Variants in ALG6 observed in about 807,000 individuals in gnomAD.
ALG6 encodes ALG6 alpha-1,3-glucosyltransferase.
In ALG6, 46 loss-of-function variants were observed where a neutral mutation model predicts 66.6. That is an observed-to-expected ratio of 0.69 (90% confidence interval 0.55 to 0.88). ALG6 has a LOEUF of 0.88. ALG6 is among the 40% of genes least tolerant of loss of function. The pLI is 0.00. For synonymous variants in ALG6, 185 were observed against 203.7 expected (o/e 0.91, Z 0.78); for missense variants, 505 against 586.8 (o/e 0.86, Z 1.44).
intron 14 of ALG6, among the ~76,000 whole-genome samples, chr1:63,435,089 C>T (rs1644670771): frequency 1.3e-5 from 2 of 152,068 alleles, no homozygotes; most frequent in African/African-American, 4.8e-5. Flanking sequence ...GCAGTTTCAT[C>T]GTGATTAGGG....
intron 4 of ALG6, 117 bp downstream of exon 4, chr1:63,402,460 A>ATTTT (rs760751565): frequency 5.7e-4 from 151 of 262,708 alleles, no homozygotes; most frequent in African/African-American, 9.3e-4. Flanking sequence ...CTGCTATTGT[A>ATTTT]TTTTTTTTTT....
chr1:63,419,220 A>G (rs1570077692), intron 11 of ALG6, 150 bp from the exon 12 acceptor site: 1 of 643,128 alleles, frequency 1.6e-6, no homozygotes. Flanking sequence ...TAAAATATGC[A>G]TACTAGTGTT....
intron 2 of ALG6, among the ~76,000 whole-genome samples, chr1:63,371,625 T>G (rs545033816): frequency 6.6e-6 from 1 of 151,842 alleles, no homozygotes; most frequent in African/African-American, 2.4e-5. Context: ...ATTTTTTTGA[T>G]ACGGAGCCTC....
At chr1:63,436,557 G>C (rs908923301) in intron 14 of ALG6, among the ~76,000 whole-genome samples, 1 of 152,122 alleles carries the variant, frequency 6.6e-6, no homozygotes, top group Non-Finnish European at 1.5e-5. Flanking sequence ...GGGGTCCTCA[G>C]GTTTTGGCTA....
chr1:63,427,264 C>T (rs2100438786), intron 12 of ALG6, among the ~76,000 whole-genome samples: 1 of 150,748 alleles, frequency 6.6e-6, no homozygotes, highest in East Asian at 2.0e-4. Context: ...CCGCCTGTCT[C>T]AGCCTCCCAA....
chr1:63,412,811 TAGAC>T (rs1220742599), intron 9 of ALG6, among the ~76,000 whole-genome samples: 10 of 152,216 alleles, frequency 6.6e-5, no homozygotes, highest in Non-Finnish European at 1.0e-4. Flanking sequence ...TTAATAAAGT[TAGAC>T]AGAAACAACA....
At chr1:63,381,226 A>G (rs1038238242) in intron 2 of ALG6, among the ~76,000 whole-genome samples, 20 of 152,244 alleles carry the variant, frequency 1.3e-4, no homozygotes, top group African/African-American at 4.6e-4. Context: ...AGGCCGAGGC[A>G]GGCGGATCAT....
chr1:63,430,660 T>A (rs1644641119), intron 14 of ALG6, among the ~76,000 whole-genome samples: 1 of 152,238 alleles, frequency 6.6e-6, no homozygotes, highest in South Asian at 2.1e-4. Context: ...GTTGAACATC[T>A]TTTCATGTGC....
At chr1:63,421,375 G>A (rs142337647) in intron 12 of ALG6, among the ~76,000 whole-genome samples, 22 of 152,130 alleles carry the variant, frequency 1.4e-4, no homozygotes, top group African/African-American at 5.3e-4. Context: ...CTGTTGGTGG[G>A]AGTGTATATT....
At chr1:63,414,255 CTTT>C (rs375709990) in intron 10 of ALG6, 109 bp downstream of exon 10, 484 of 617,074 alleles carry the variant, frequency 7.8e-4, no homozygotes, top group East Asian at 9.6e-4. Flanking sequence ...TTTTTCTTTT[CTTT>C]TTTTTTTTTT....
chr1:63,396,110 G>A (rs781535217), intron 2 of ALG6, among the ~76,000 whole-genome samples: 2 of 152,134 alleles, frequency 1.3e-5, no homozygotes, highest in East Asian at 3.9e-4. Flanking sequence ...TGATTTCTGT[G>A]GTAGTGGGGG....
intron 3 of ALG6, among the ~76,000 whole-genome samples, chr1:63,398,774 C>T (rs929180888): frequency 6.6e-6 from 1 of 152,112 alleles, no homozygotes; most frequent in African/African-American, 2.4e-5. Context: ...CGTGCCTGGC[C>T]GATAATTAGA....
chr1:63,414,147 G>GT lies in ALG6; in HGVS notation c.902+2dup. ...CACGTCACATCCAATTAATAATGAG[G>GT]TAAGAGAAACAAAGTTTGTATGTAG... is the stretch of plus-strand genomic sequence containing the variant. On this transcript the variant is annotated splice_donor_variant, in intron 10 of 14. Coordinates refer to ENST00000263440, the MANE Select transcript of ALG6 (RefSeq NM_013339.4). LOFTEE classifies it high-confidence loss of function. The GT allele has an allele frequency of 6.3e-7, 1 of 1,591,012 alleles. No individual in the cohort carries two copies. Among genetic ancestry groups the GT allele is most frequent in the Non-Finnish European group, 8.6e-7 (1 of 1,159,392 alleles).
intron 12 of ALG6, among the ~76,000 whole-genome samples, chr1:63,427,079 C>A (rs949132211): frequency 1.3e-5 from 2 of 152,052 alleles, no homozygotes; most frequent in African/African-American, 4.8e-5. Context: ...CGGCTCACTG[C>A]AACCTCCGAC....
intron 9 of ALG6, among the ~76,000 whole-genome samples, chr1:63,412,709 A>G (rs1321926103): frequency 6.6e-6 from 1 of 152,150 alleles, no homozygotes; most frequent in Non-Finnish European, 1.5e-5. Context: ...ATGCTAGTTT[A>G]ATCACTCTTG....
intron 2 of ALG6, among the ~76,000 whole-genome samples, chr1:63,390,903 T>C (rs1029055519): frequency 6.6e-6 from 1 of 152,196 alleles, no homozygotes; most frequent in Admixed American, 6.5e-5. Context: ...TTCAATACTG[T>C]CTTTCTTACC....
In ALG6 at chr1:63,411,829, A is replaced by G. The variant is rs146834361; in HGVS notation, c.681-97A>G. 69 of 1,512,790 alleles carry G rather than the reference A, an allele frequency of 4.6e-5. No homozygotes were observed. The East Asian group carries it at 1.2e-3, about 27-fold the overall frequency. The allele number at this position is 1,512,790 out of a possible 1,614,324, so 93.7% of individuals were successfully genotyped here. On this transcript the variant is annotated intron_variant, in intron 8 of 14. Coordinates refer to ENST00000263440, the MANE Select transcript of ALG6 (RefSeq NM_013339.4). Reference sequence around the variant, plus strand: ...TTGGTAACATAGATTTGGCATTACTATACATGTGCATGTATTATGTTCAGT... The same window carrying G: ...TTGGTAACATAGATTTGGCATTACTGTACATGTGCATGTATTATGTTCAGT...
chr1:63,402,443 C>A, intron 4 of ALG6, 100 bp downstream of exon 4: 2 of 548,298 alleles, frequency 3.6e-6, no homozygotes, highest in Non-Finnish European at 6.5e-6. Context: ...GGAGAGATTG[C>A]TTGTAGCTGC....
chr1:63,426,836 G>T (rs1458646017), intron 12 of ALG6, among the ~76,000 whole-genome samples: 1 of 152,212 alleles, frequency 6.6e-6, no homozygotes, highest in African/African-American at 2.4e-5. Flanking sequence ...GAGCCCCTGC[G>T]CCGGCTGTAA....
Sources: gnomAD v4.1 joint callset for allele counts (sites outside exome capture counted in the v4.1 genomes callset) on GRCh38, gnomAD v4.1.1 for gene constraint, MANE v1.5 for transcripts, NCBI Gene and HGNC (gene_info 2026-07-23, HGNC 2026-07-21) for gene names.